Variants in PGM5 observed in about 807,000 individuals in gnomAD.
The protein encoded by PGM5 is phosphoglucomutase 5.
In PGM5, 23 loss-of-function variants were observed where a neutral mutation model predicts 59.2. The ratio of observed to expected loss-of-function variants is 0.39; its 90% confidence interval spans 0.28 to 0.55. The LOEUF (loss-of-function observed/expected upper bound fraction) is 0.55, where lower values mean the gene tolerates loss of function less well. Ranked by LOEUF, PGM5 falls within the 20% of genes least tolerant of loss-of-function variation. The pLI, the probability that PGM5 is intolerant of heterozygous loss-of-function variation, is 0.66. For synonymous variants in PGM5, 214 were observed against 286.0 expected (o/e 0.75, Z 2.54); for missense variants, 574 against 748.3 (o/e 0.77, Z 2.72).
intron 7 of PGM5, chr9:68,466,508 C>T (rs541564835): frequency 3.0e-5 from 5 of 168,038 alleles, no homozygotes; most frequent in African/African-American, 1.2e-4. Context: ...TTTTGTAGAT[C>T]TCATAAATTT....
chr9:68,479,581 T>C (rs1824160314), intron 8 of PGM5, 28 bp downstream of exon 8: 4 of 1,608,708 alleles, frequency 2.5e-6, no homozygotes, highest in Non-Finnish European at 3.4e-6. Flanking sequence ...GGTCTCTGTA[T>C]GGACCCTGAA....
At position 68,356,915 on chromosome 9, in the gene PGM5, C is replaced by G; in HGVS notation, c.-213C>G. On this transcript the variant is annotated 5_prime_UTR_variant, in exon 1 of 11. The change creates a new upstream start codon in the 5' untranslated region. Transcript: ENST00000396396. ...AACTTTACAGGAAGGCAGAAGCAAT[C>G]TCTGCCGAGAGAGTCAGCCGAGCGG... 2.2e-6 allele frequency: 1 copy of G among 447,064 alleles called. No individual in the cohort carries two copies. Among genetic ancestry groups the G allele is most frequent in the South Asian group, 4.9e-5 (1 of 20,250 alleles). 27.7% of individuals were successfully genotyped at this position (447,064 alleles called of 1,614,324 possible). A position where few individuals can be genotyped will look rare whatever the true frequency, so the allele number is the denominator to read the frequency against.
intron 10 of PGM5, among the ~76,000 whole-genome samples, chr9:68,527,884 G>A (rs1189234044): frequency 2.6e-5 from 4 of 152,158 alleles, no homozygotes; most frequent in Admixed American, 6.5e-5. Context: ...CTTGCCTAAT[G>A]AATTAAAACC....
rs1554688441 is a variant in PGM5, at chr9:68,499,373, G to C, written c.1614+12G>C. On this transcript the variant is annotated intron_variant, in intron 10 of 10. Transcript: ENST00000396396. The stretch of plus-strand genomic sequence containing the variant: ...ACCAGGAGCCACAGGTACAGAAACA[G>C]CTGTGCTCCCAGCAGTGTGTCTCGC... 2 of 1,613,374 alleles carry C rather than the reference G, an allele frequency of 1.2e-6. No individual in the cohort carries two copies. The highest frequency in any genetic ancestry group is 1.7e-6 in the Non-Finnish European group (2 of 1,179,708).
intron 3 of PGM5, among the ~76,000 whole-genome samples, 167 bp from the exon 4 acceptor site, chr9:68,387,296 T>C (rs1235052500): frequency 6.6e-6 from 1 of 152,060 alleles, no homozygotes; most frequent in African/African-American, 2.4e-5. Context: ...TGCCCTGATT[T>C]GTGATTTTTG....
At chr9:68,485,336 C>A (rs1471896449) in intron 9 of PGM5, among the ~76,000 whole-genome samples, 3 of 152,098 alleles carry the variant, frequency 2.0e-5, no homozygotes, top group Non-Finnish European at 2.9e-5. Flanking sequence ...GGCTGTGTCC[C>A]CACCCAAATC....
chr9:68,369,431 C>T (rs1834743698), intron 1 of PGM5, among the ~76,000 whole-genome samples: 1 of 152,144 alleles, frequency 6.6e-6, no homozygotes, highest in African/African-American at 2.4e-5. Context: ...CTGGGGTGGT[C>T]ACCTCATAAA....
At chr9:68,529,353 T>C (rs1350681205) in intron 10 of PGM5, among the ~76,000 whole-genome samples, 2 of 152,240 alleles carry the variant, frequency 1.3e-5, no homozygotes, top group Non-Finnish European at 2.9e-5. Context: ...TTGAAGCTGG[T>C]TAAGACTTTG....
chr9:68,361,669 A>G (rs1834582824), intron 1 of PGM5, among the ~76,000 whole-genome samples: 4 of 152,210 alleles, frequency 2.6e-5, no homozygotes. Context: ...TTATAAGGGC[A>G]CTAATTCCAA....
intron 6 of PGM5, among the ~76,000 whole-genome samples, chr9:68,420,181 A>G (rs1411214739): frequency 1.3e-5 from 2 of 152,138 alleles, no homozygotes; most frequent in African/African-American, 4.8e-5. Context: ...CGAAGACCCT[A>G]GAGTTATGTT....
chr9:68,500,537 C>T (rs1554688575), intron 10 of PGM5, among the ~76,000 whole-genome samples: 1 of 152,134 alleles, frequency 6.6e-6, no homozygotes, highest in Non-Finnish European at 1.5e-5. Context: ...GGCTCTTCCT[C>T]TCAGGATCAT....
At position 68,406,706 on chromosome 9, in the gene PGM5, A is replaced by G. The variant is rs1209583766; in HGVS notation, c.1043+14233A>G. On this transcript the variant is annotated intron_variant, in intron 6 of 10. Coordinates refer to ENST00000396396, the MANE Select transcript of PGM5 (RefSeq NM_021965.4). ...TATATATATATATATATATATATATATATATATATATATATATATGTATAT... is the reference window on the plus strand; with the variant it reads ...TATATATATATATATATATATATATGTATATATATATATATATATGTATAT... Among the ~76,000 whole-genome samples, 24 of 84,274 alleles carry G rather than the reference A, an allele frequency of 2.8e-4. 3 individuals carry two copies. Among genetic ancestry groups the G allele is most frequent in the East Asian group, 9.7e-4 (2 of 2,066 alleles). 55.3% of individuals were successfully genotyped at this position (84,274 alleles called of 152,430 possible).
intron 6 of PGM5, among the ~76,000 whole-genome samples, chr9:68,427,711 C>A (rs1210558777): frequency 2.6e-5 from 4 of 152,162 alleles, no homozygotes; most frequent in Non-Finnish European, 5.9e-5. Flanking sequence ...AGAAAGTTTT[C>A]CTTGGCCTCA....
intron 1 of PGM5, among the ~76,000 whole-genome samples, chr9:68,360,298 T>A (rs1834551785): frequency 6.6e-6 from 1 of 151,484 alleles, no homozygotes; most frequent in African/African-American, 2.4e-5. Flanking sequence ...AAAAATTTTA[T>A]AAATTAAAAA....
chr9:68,401,955 CTG>C (rs1486536142), intron 6 of PGM5, among the ~76,000 whole-genome samples: 1 of 150,528 alleles, frequency 6.6e-6, no homozygotes, highest in Non-Finnish European at 1.5e-5. Context: ...GCTCATGAAA[CTG>C]TACACTTAGA....
chr9:68,516,962 C>G (rs928458650), intron 10 of PGM5, among the ~76,000 whole-genome samples: 26 of 152,054 alleles, frequency 1.7e-4, no homozygotes, highest in African/African-American at 6.0e-4. Context: ...ACCTCCGCCT[C>G]CTGGGTTCAA....
chr9:68,474,761 A>G (rs1824077263), intron 7 of PGM5, among the ~76,000 whole-genome samples: 1 of 151,384 alleles, frequency 6.6e-6, no homozygotes, highest in African/African-American at 2.4e-5. Context: ...CTTTGGAAAT[A>G]TGGGTATATT....
At chr9:68,419,337 A>G (rs144414973) in intron 6 of PGM5, among the ~76,000 whole-genome samples, 224 of 152,226 alleles carry the variant, frequency 1.5e-3, no homozygotes, top group Non-Finnish European at 2.2e-3. Context: ...TGGCCATTTT[A>G]TGGGCAAAAC....
chr9:68,517,652 T>C (rs1047289123), intron 10 of PGM5, among the ~76,000 whole-genome samples: 2 of 152,216 alleles, frequency 1.3e-5, no homozygotes, highest in Non-Finnish European at 2.9e-5. Flanking sequence ...TTTCTGATTT[T>C]AAAAGGAGCA....
Sources: allele counts gnomAD v4.1 joint callset (sites outside exome capture counted in the v4.1 genomes callset), GRCh38; gene constraint gnomAD v4.1.1; transcripts MANE v1.5; gene names NCBI Gene and HGNC (gene_info 2026-07-23, HGNC 2026-07-21).